The following GABBR2 variants were observed in gnomAD, a reference collection of about 807,000 sequenced individuals.
GABBR2 encodes G-protein coupled receptor 51.
In GABBR2, 23 loss-of-function variants were observed where a neutral mutation model predicts 105.6. That is an observed-to-expected ratio of 0.22 (90% CI 0.16 to 0.31). GABBR2 has a LOEUF of 0.31. Ranked by LOEUF, GABBR2 falls within the 10% of genes least tolerant of loss-of-function variation. The pLI is 1.00. For synonymous variants in GABBR2, 478 were observed against 499.7 expected (o/e 0.96, Z 0.58); for missense variants, 734 against 1,245.5 (o/e 0.59, Z 6.18).
In GABBR2 at chr9:98,306,240, T is replaced by C. The variant is rs770104024; in HGVS notation, c.2110A>G (p.Ile704Val). 6.2e-7 allele frequency: 1 copy of C among 1,614,046 alleles called. No individual in the cohort carries two copies. The highest frequency in any genetic ancestry group is 1.3e-5 in the African/African-American group (1 of 74,926). ...MSVYNVGIMC[I>V]IGAAVSFLTR... The stretch of plus-strand genomic sequence containing the variant: ...AGGAAGGAGACAGCGGCCCCGATGA[T>C]GCACATGATCCCCACGTTGTAGACA... Residue 704 changes from isoleucine (I) to valine (V), a missense_variant, in exon 15 of 19, where the codon ATC becomes GTC. Coordinates refer to ENST00000259455, the MANE Select transcript of GABBR2 (RefSeq NM_005458.8). The surrounding 1 kb of genome is among the most constrained non-coding windows in gnomAD (Gnocchi z 5.4).
At chr9:98,673,755 T>C (rs1416187688) in intron 1 of GABBR2, among the ~76,000 whole-genome samples, 1 of 152,172 alleles carries the variant, frequency 6.6e-6, no homozygotes, top group Non-Finnish European at 1.5e-5. Flanking sequence ...TAACAGAGCA[T>C]GGAAAGCCTT....
rs140445340 is a variant in GABBR2 at position 98,703,238 on chromosome 9, C to G, written c.321+5179G>C. Reference sequence around the variant, plus strand: ...AAGCCAACACAGAAGAAATCAAAGCCAAGAGGCAGAGAGGAAGATATTTTT... The same window carrying G: ...AAGCCAACACAGAAGAAATCAAAGCGAAGAGGCAGAGAGGAAGATATTTTT... On this transcript the variant is annotated intron_variant, in intron 1 of 18. Transcript: ENST00000259455. Among the ~76,000 whole-genome samples, 454 of 152,296 alleles carry G rather than the reference C, an allele frequency of 3.0e-3. 2 individuals are homozygous for G. The highest frequency in any genetic ancestry group is 7.3e-3 in the Admixed American group (112 of 15,296).
intron 10 of GABBR2, among the ~76,000 whole-genome samples, chr9:98,386,594 T>C (rs7047634): frequency 0.065 from 9,965 of 152,184 alleles, 879 homozygotes; most frequent in African/African-American, 0.19. Context: ...TGTGGTGGCC[T>C]CCAGCTGCCC....
At chr9:98,578,115 G>C (rs1422895686) in intron 1 of GABBR2, 43 bp from the exon 2 acceptor site, 1 of 1,608,342 alleles carries the variant, frequency 6.2e-7, no homozygotes, top group East Asian at 2.2e-5. Context: ...ATTAGAAACA[G>C]CTTTTCCCCA....
At chr9:98,537,955 C>T (rs1828213733) in intron 3 of GABBR2, among the ~76,000 whole-genome samples, 1 of 152,196 alleles carries the variant, frequency 6.6e-6, no homozygotes, top group South Asian at 2.1e-4. Context: ...CCTCACCACT[C>T]ACCCCCAGGC....
chr9:98,463,059 T>C (rs1826453284), intron 6 of GABBR2, among the ~76,000 whole-genome samples: 1 of 152,110 alleles, frequency 6.6e-6, no homozygotes, highest in Non-Finnish European at 1.5e-5. Flanking sequence ...CGGCTAATTT[T>C]TGTATTTTTA....
At chr9:98,292,977 G>A (rs777112470) in intron 18 of GABBR2, among the ~76,000 whole-genome samples, 6 of 152,210 alleles carry the variant, frequency 3.9e-5, no homozygotes, top group Non-Finnish European at 7.4e-5. Flanking sequence ...TGGACTGTAA[G>A]CTGGCCAGGC....
At chr9:98,496,305 T>C in intron 4 of GABBR2, 108 bp downstream of exon 4, 1 of 732,490 alleles carries the variant, frequency 1.4e-6, no homozygotes, top group South Asian at 1.5e-5. Context: ...AAGGTGGAAA[T>C]GAACTTGAGA....
intron 7 of GABBR2, among the ~76,000 whole-genome samples, chr9:98,414,460 G>A (rs1364176495): frequency 6.6e-6 from 1 of 152,212 alleles, no homozygotes; most frequent in Non-Finnish European, 1.5e-5. Context: ...CAGGTGCAAG[G>A]CCACGCAGAA....
chr9:98,337,509 AGGGACCCTG>A (rs1831136934), intron 13 of GABBR2, among the ~76,000 whole-genome samples: 1 of 152,222 alleles, frequency 6.6e-6, no homozygotes, highest in Non-Finnish European at 1.5e-5. Flanking sequence ...TGGAATCTCA[AGGGACCCTG>A]CATAGCTAAA....
chr9:98,368,721 T>C (rs1831725783), intron 12 of GABBR2, among the ~76,000 whole-genome samples: 1 of 152,228 alleles, frequency 6.6e-6, no homozygotes, highest in South Asian at 2.1e-4. Context: ...AATACTGTGC[T>C]TCTTCCAAAC....
chr9:98,292,627 C>G (rs1830319174), intron 18 of GABBR2, among the ~76,000 whole-genome samples: 1 of 152,214 alleles, frequency 6.6e-6, no homozygotes, highest in Admixed American at 6.5e-5. Flanking sequence ...AAGTCTGTGT[C>G]TTAAGGCAAG....
intron 17 of GABBR2, among the ~76,000 whole-genome samples, chr9:98,295,503 G>C (rs1365102831): frequency 6.6e-6 from 1 of 151,910 alleles, no homozygotes; most frequent in African/African-American, 2.4e-5. Context: ...TGAGTGCAAT[G>C]CTAATTAAAC....
chr9:98,392,513 G>A (rs916228706), intron 9 of GABBR2, among the ~76,000 whole-genome samples: 1 of 152,154 alleles, frequency 6.6e-6, no homozygotes, highest in African/African-American at 2.4e-5. Context: ...ACCTGAGTGT[G>A]GAGACCATTC....
intron 7 of GABBR2, among the ~76,000 whole-genome samples, chr9:98,438,166 TCTAC>T (rs1469173046): frequency 1.5e-5 from 2 of 134,318 alleles, no homozygotes; most frequent in Non-Finnish European, 3.2e-5. Flanking sequence ...TCTATATCCA[TCTAC>T]CTATCCATCC....
chr9:98,499,338 A>T (rs544843719), intron 3 of GABBR2, among the ~76,000 whole-genome samples: 2 of 152,220 alleles, frequency 1.3e-5, no homozygotes, highest in Non-Finnish European at 2.9e-5. Flanking sequence ...CCCTCCCCTC[A>T]TTTCACAGAT....
intron 1 of GABBR2, among the ~76,000 whole-genome samples, chr9:98,619,553 T>C (rs991127870): frequency 6.6e-6 from 1 of 152,216 alleles, no homozygotes; most frequent in African/African-American, 2.4e-5. Context: ...CCAAGTCTGA[T>C]TTTTCAATAT....
At position 98,477,093 on chromosome 9, in the gene GABBR2, T is replaced by A. The variant is rs1486718726; in HGVS notation, c.799-3747A>T. On this transcript the variant is annotated intron_variant, in intron 5 of 18. Transcript: ENST00000259455. ...TATGCTTCTCTGTCTCCTCTGCCAG[T>A]TGGGGAGTTTTGGGAGGGTGGGGCC... is the stretch of plus-strand genomic sequence containing the variant. Among the ~76,000 whole-genome samples the A allele has an allele frequency of 2.0e-5, 3 of 152,168 alleles. No individual in the cohort carries two copies. In the East Asian group the frequency reaches 5.8e-4, roughly 29 times the overall value.
chr9:98,458,438 C>G (rs2131609613), intron 6 of GABBR2, among the ~76,000 whole-genome samples: 1 of 152,246 alleles, frequency 6.6e-6, no homozygotes, highest in Non-Finnish European at 1.5e-5. Flanking sequence ...GCACGGTGTC[C>G]CACGCCTATA....
Sources: gnomAD v4.1 joint callset for allele counts (sites outside exome capture counted in the v4.1 genomes callset) on GRCh38, gnomAD v4.1.1 for gene constraint, Gnocchi (gnomAD v3.1) non-coding constraint, MANE v1.5 for transcripts, NCBI Gene and HGNC (gene_info 2026-07-23, HGNC 2026-07-21) for gene names.